The following RSU1 variants were observed in gnomAD, a reference collection of about 807,000 sequenced individuals.
RSU1 encodes the protein Ras suppressor protein 1, also known as rsu-1.
Under a neutral mutation model 31.1 loss-of-function variants are expected in RSU1, and 26 were observed. That is an observed-to-expected ratio of 0.84 (90% confidence interval 0.61 to 1.16). The LOEUF is 1.16. Among genes scored for constraint, RSU1 ranks in the 50% most tolerant of loss-of-function variants. The pLI is 0.00. For missense variants in RSU1, 320 were observed against 339.1 expected (o/e 0.94, Z 0.44); for synonymous variants, 164 against 136.3 (o/e 1.20, Z -1.41).
intron 3 of RSU1, among the ~76,000 whole-genome samples, chr10:16,778,751 G>C (rs926496805): frequency 6.6e-6 from 1 of 152,074 alleles, no homozygotes; most frequent in African/African-American, 2.4e-5. Context: ...AGGGCTACGG[G>C]GGGACAGAAG....
At chr10:16,724,509 G>A (rs74125856) in intron 7 of RSU1, among the ~76,000 whole-genome samples, 15 of 152,322 alleles carry the variant, frequency 9.8e-5, no homozygotes, top group African/African-American at 3.4e-4. Flanking sequence ...CCACTGAAAT[G>A]AGCCATTGGC....
intron 2 of RSU1, among the ~76,000 whole-genome samples, chr10:16,791,169 A>C (rs1837904289): frequency 6.6e-6 from 1 of 152,030 alleles, no homozygotes; most frequent in Non-Finnish European, 1.5e-5. Flanking sequence ...TGGGGTTACA[A>C]GCATGCACCA....
At chr10:16,611,541 G>A (rs1179844006) in intron 8 of RSU1, among the ~76,000 whole-genome samples, 1 of 152,158 alleles carries the variant, frequency 6.6e-6, no homozygotes, top group Admixed American at 6.5e-5. Context: ...CTGTTGATTT[G>A]TTTCCAAATA....
chr10:16,698,349 A>G (rs1038637216), intron 7 of RSU1, among the ~76,000 whole-genome samples: 1 of 152,048 alleles, frequency 6.6e-6, no homozygotes, highest in African/African-American at 2.4e-5. Flanking sequence ...GAACTTAAGG[A>G]ATAGGGACGT....
At chr10:16,745,340 T>C (rs1836829094) in intron 7 of RSU1, among the ~76,000 whole-genome samples, 1 of 152,212 alleles carries the variant, frequency 6.6e-6, no homozygotes. Flanking sequence ...ACCCTCATTT[T>C]ACATGAGGTG....
rs563911798 is a variant in RSU1, at chr10:16,739,838, C to T, written c.598+12701G>A. On this transcript the variant is annotated intron_variant, in intron 7 of 8. Transcript: ENST00000345264. The stretch of plus-strand genomic sequence containing the variant: ...GTTGGTCAGGCTAGTCTTGAACTCC[C>T]GAACTGAGGTGATCCACCCGCCTCA... Among the ~76,000 whole-genome samples the T allele has an allele frequency of 1.1e-3, 165 of 151,992 alleles. 3 individuals carry two copies. In the South Asian group the frequency reaches 0.016, roughly 15 times the overall value.
rs1359835447 is a variant in RSU1, at chr10:16,593,338, G to T, written c.*56C>A. ...TTTATTTGAGAGACAGGGCAAGAGA[G>T]AATGAAGTGTTGGAGAGAGAAGGTG... On this transcript the variant is annotated 3_prime_UTR_variant, in exon 9 of 9. Transcript: ENST00000345264. 1 of 1,612,552 alleles carries T rather than the reference G, an allele frequency of 6.2e-7. No individual in the cohort carries two copies. The highest frequency in any genetic ancestry group is 1.3e-5 in the African/African-American group (1 of 74,896).
chr10:16,674,022 A>C (rs566423799), intron 8 of RSU1, among the ~76,000 whole-genome samples: 1 of 152,174 alleles, frequency 6.6e-6, no homozygotes, highest in African/African-American at 2.4e-5. Context: ...TGAGGCTCTC[A>C]GCAGCCAATA....
At chr10:16,621,093 C>G (rs1834061074) in intron 8 of RSU1, among the ~76,000 whole-genome samples, 1 of 152,172 alleles carries the variant, frequency 6.6e-6, no homozygotes, top group Admixed American at 6.5e-5. Context: ...TTATTTGTGA[C>G]ACAGGCACAG....
intron 4 of RSU1, among the ~76,000 whole-genome samples, chr10:16,761,528 C>G (rs1837211442): frequency 1.3e-5 from 2 of 152,126 alleles, no homozygotes; most frequent in South Asian, 4.1e-4. Context: ...TGACAATTCC[C>G]AGGCCCCAGG....
chr10:16,801,743 A>G (rs966465313), intron 2 of RSU1, among the ~76,000 whole-genome samples: 3 of 152,146 alleles, frequency 2.0e-5, no homozygotes, highest in African/African-American at 7.2e-5. Flanking sequence ...TAGCTGAAAA[A>G]TCCCAAAACA....
At position 16,752,398 on chromosome 10, in the gene RSU1, A is replaced by G. The variant is rs1158001569; in HGVS notation, c.598+141T>C. 3.0e-5 allele frequency: 19 copies of G among 640,582 alleles called. No individual in the cohort carries two copies. The East Asian group carries it at 4.4e-4, about 15-fold the overall frequency. The allele number at this position is 640,582 out of a possible 1,614,324, so 39.7% of individuals were successfully genotyped here. On this transcript the variant is annotated intron_variant, in intron 7 of 8. Coordinates refer to ENST00000345264, the MANE Select transcript of RSU1 (RefSeq NM_012425.4). ...TAACAGCTAACTCTGGTCAATGACA[A>G]ATGGTTCTCAAATGATCAGCATCGT... is the stretch of plus-strand genomic sequence containing the variant.
At chr10:16,725,714 G>C (rs547938687) in intron 7 of RSU1, among the ~76,000 whole-genome samples, 1 of 151,182 alleles carries the variant, frequency 6.6e-6, no homozygotes, top group African/African-American at 2.4e-5. Context: ...AACTGAATCT[G>C]TCCGCTCCTT....
intron 8 of RSU1, among the ~76,000 whole-genome samples, chr10:16,635,200 T>C (rs1049224333): frequency 6.6e-6 from 1 of 152,178 alleles, no homozygotes; most frequent in Non-Finnish European, 1.5e-5. Flanking sequence ...TTTGCCAATA[T>C]CCAAACCAAA....
chr10:16,805,332 C>T (rs1838243338), intron 2 of RSU1, among the ~76,000 whole-genome samples: 1 of 152,194 alleles, frequency 6.6e-6, no homozygotes, highest in African/African-American at 2.4e-5. Flanking sequence ...TGGATCTGTA[C>T]TTCCTGCTCC....
chr10:16,591,527 C>T lies in RSU1; in HGVS notation c.*1867G>A, dbSNP rs2131445457. On this transcript the variant is annotated 3_prime_UTR_variant, in exon 9 of 9. Transcript: ENST00000345264. ...GAAAGAATGTTTATTTCATGTTACTCCTCTTGCACTTAATACTGCCTTAAA... is the reference window on the plus strand; with the variant it reads ...GAAAGAATGTTTATTTCATGTTACTTCTCTTGCACTTAATACTGCCTTAAA... The T allele has an allele frequency of 6.6e-6, 1 of 152,280 alleles. No homozygotes were observed. Among genetic ancestry groups the T allele is most frequent in the South Asian group, 2.1e-4 (1 of 4,826 alleles). 9.4% of individuals were successfully genotyped at this position (152,280 alleles called of 1,614,324 possible).
chr10:16,760,585 A>G (rs1047103468), intron 4 of RSU1, among the ~76,000 whole-genome samples: 4 of 152,118 alleles, frequency 2.6e-5, no homozygotes, highest in Non-Finnish European at 5.9e-5. Flanking sequence ...GTTATTAGGA[A>G]AGTCAAAAAA....
chr10:16,599,367 G>A (rs1833676610), intron 8 of RSU1, among the ~76,000 whole-genome samples: 1 of 152,030 alleles, frequency 6.6e-6, no homozygotes, highest in African/African-American at 2.4e-5. Context: ...CTCAAACCCG[G>A]GCACCACTGT....
chr10:16,699,170 G>C (rs898850079), intron 7 of RSU1, among the ~76,000 whole-genome samples: 1 of 149,126 alleles, frequency 6.7e-6, no homozygotes, highest in Non-Finnish European at 1.5e-5. Context: ...GAGCGAAACA[G>C]AGCAATGTCT....
Sources: allele counts gnomAD v4.1 joint callset (sites outside exome capture counted in the v4.1 genomes callset), GRCh38; gene constraint gnomAD v4.1.1; transcripts MANE v1.5; gene names NCBI Gene and HGNC (gene_info 2026-07-23, HGNC 2026-07-21).